SGIP1: variants seen among roughly 807,000 people sequenced by gnomAD.
SGIP1 encodes SH3-containing GRB2-like protein 3-interacting protein 1.
In SGIP1, 38 loss-of-function variants were observed where a neutral mutation model predicts 107.5. The observed-to-expected ratio is 0.35, with a 90% CI of 0.27 to 0.46. The LOEUF (loss-of-function observed/expected upper bound fraction) is 0.46. Ranked by LOEUF, SGIP1 falls within the 20% of genes least tolerant of loss-of-function variation. SGIP1 has a pLI of 1.00. For synonymous variants in SGIP1, 365 were observed against 366.1 expected (o/e 1.00, Z 0.03); for missense variants, 929 against 1,019.5 (o/e 0.91, Z 1.21).
intron 1 of SGIP1, among the ~76,000 whole-genome samples, chr1:66,536,197 T>C (rs1179755327): frequency 6.6e-6 from 1 of 152,224 alleles, no homozygotes; most frequent in East Asian, 1.9e-4. Context: ...TTGCTCTGGG[T>C]TTGCCAAATT....
rs1337017448 is a variant in SGIP1, at chr1:66,729,378, C to A, written c.1857C>A (p.Ser619Arg). 1 of 1,614,086 alleles carries A rather than the reference C, an allele frequency of 6.2e-7. No individual in the cohort carries two copies. The highest frequency in any genetic ancestry group is 1.1e-5 in the South Asian group (1 of 91,076). The stretch of plus-strand genomic sequence containing the variant: ...TGACTTTTCGGGTGATAAATTTCAG[C>A]AGGTTAGAACACGTCCTGCCAAACC... Reference protein sequence around the residue: ...AALTFRVINFSRLEHVLPNPQ... With the variant: ...AALTFRVINFRRLEHVLPNPQ... The change falls in exon 20 of 25, where the codon AGC (serine) becomes AGA (arginine). Residue 619 changes from serine (S) to arginine (R), a missense_variant. Transcript: ENST00000371037.
chr1:66,683,392 A>G (rs2087265261), intron 15 of SGIP1, among the ~76,000 whole-genome samples: 1 of 152,196 alleles, frequency 6.6e-6, no homozygotes, highest in South Asian at 2.1e-4. Context: ...TCTAATATTC[A>G]GTCATCATCA....
rs553065645 is a variant in SGIP1, at chr1:66,747,703, A to G, written c.*4608A>G. The G allele has an allele frequency of 6.6e-6, 1 of 152,106 alleles. No homozygotes were observed. The highest frequency in any genetic ancestry group is 1.9e-4 in the East Asian group (1 of 5,192). 9.4% of individuals were successfully genotyped at this position (152,106 alleles called of 1,614,324 possible). A position where few individuals can be genotyped will look rare whatever the true frequency, so the allele number is the denominator to read the frequency against. ...AGAGTTGCACGAATATTTTTTCTCAAAATAACCACAGGCTGTAAATTAAAT... is the reference window on the plus strand; with the variant it reads ...AGAGTTGCACGAATATTTTTTCTCAGAATAACCACAGGCTGTAAATTAAAT... On this transcript the variant is annotated 3_prime_UTR_variant, in exon 25 of 25. Transcript: ENST00000371037.
At chr1:66,615,773 G>T (rs2069142349) in intron 1 of SGIP1, among the ~76,000 whole-genome samples, 1 of 152,202 alleles carries the variant, frequency 6.6e-6, no homozygotes. Context: ...AGGGACTGGA[G>T]ATGGAAGGAT....
intron 1 of SGIP1, among the ~76,000 whole-genome samples, chr1:66,589,099 A>G (rs2063139148): frequency 7.0e-6 from 1 of 143,876 alleles, no homozygotes. Context: ...TGAATATGTC[A>G]TCATTAATTT....
intron 22 of SGIP1, 139 bp from the exon 23 acceptor site, chr1:66,740,519 G>GAGAC: frequency 1.5e-6 from 1 of 656,256 alleles, no homozygotes; most frequent in Non-Finnish European, 2.7e-6. Context: ...GGGAGAGAGA[G>GAGAC]AGACAGGGAA....
At chr1:66,639,446 T>C (rs2076376523) in intron 4 of SGIP1, among the ~76,000 whole-genome samples, 1 of 152,234 alleles carries the variant, frequency 6.6e-6, no homozygotes, top group Non-Finnish European at 1.5e-5. Flanking sequence ...CTATATCTCC[T>C]GTAGATTTAG....
In SGIP1 at chr1:66,747,601, G is replaced by A. The variant is rs1227752200; in HGVS notation, c.*4506G>A. On this transcript the variant is annotated 3_prime_UTR_variant, in exon 25 of 25. Transcript: ENST00000371037. ...TTTCCTTCTTTGCAAGGGACATTCA[G>A]ATCTCTAACTTGTGAGTTGAACCTA... The A allele has an allele frequency of 6.6e-6, 1 of 151,988 alleles. No individual in the cohort carries two copies. Among genetic ancestry groups the A allele is most frequent in the Admixed American group, 6.6e-5 (1 of 15,248 alleles). The allele number at this position is 151,988 out of a possible 1,614,324, so 9.4% of individuals were successfully genotyped here.
intron 1 of SGIP1, among the ~76,000 whole-genome samples, chr1:66,613,765 G>A (rs111442295): frequency 1.1e-4 from 17 of 152,314 alleles, no homozygotes; most frequent in African/African-American, 3.8e-4. Flanking sequence ...GATGACTAAA[G>A]TGGGTAACAG....
intron 7 of SGIP1, chr1:66,660,215 G>GAGAGAA (rs1557505791): frequency 5.2e-6 from 1 of 190,484 alleles, no homozygotes; most frequent in East Asian, 1.5e-4. Context: ...AAGAAAGAAA[G>GAGAGAA]AGAAAGAAAG....
chr1:66,726,236 G>C (rs554193618), intron 19 of SGIP1, among the ~76,000 whole-genome samples: 1 of 152,284 alleles, frequency 6.6e-6, no homozygotes, highest in East Asian at 1.9e-4. Context: ...TGTCTCTCTA[G>C]CGCCCTCTAC....
At chr1:66,584,588 G>A (rs929255897) in intron 1 of SGIP1, among the ~76,000 whole-genome samples, 1 of 152,044 alleles carries the variant, frequency 6.6e-6, no homozygotes, top group African/African-American at 2.4e-5. Context: ...GAATCACTCA[G>A]GTCAATACTG....
At chr1:66,726,562 G>A (rs184122230) in intron 19 of SGIP1, among the ~76,000 whole-genome samples, 6 of 152,170 alleles carry the variant, frequency 3.9e-5, no homozygotes, top group Non-Finnish European at 7.4e-5. Context: ...AGAATGAATC[G>A]TGAATCCAGA....
chr1:66,599,513 G>A lies in SGIP1; in HGVS notation c.11-26334G>A, dbSNP rs571556141. On this transcript the variant is annotated intron_variant, in intron 1 of 24. Transcript: ENST00000371037. ...TGGTGTCCTGATTCTCCTCCCAGGA[G>A]AATCCCTTTTACAAAGCTGTACTCT... Among the ~76,000 whole-genome samples the A allele has an allele frequency of 1.8e-3, 271 of 152,248 alleles. 3 individuals carry two copies. Among genetic ancestry groups the A allele is most frequent in the African/African-American group, 6.3e-3 (261 of 41,550 alleles).
chr1:66,733,392 AACTG>A (rs2150629939), intron 20 of SGIP1, among the ~76,000 whole-genome samples: 1 of 152,346 alleles, frequency 6.6e-6, no homozygotes, highest in African/African-American at 2.4e-5. Flanking sequence ...TAATTGCCTT[AACTG>A]ACTAATTTAG....
chr1:66,643,831 C>A, intron 7 of SGIP1, 112 bp downstream of exon 7: 1 of 906,968 alleles, frequency 1.1e-6, no homozygotes, highest in Non-Finnish European at 1.6e-6. Context: ...TGCATATGGT[C>A]ACCATATCAT....
At position 66,690,241 on chromosome 1, in the gene SGIP1, C is replaced by A; in HGVS notation, c.1495C>A (p.Pro499Thr). 3 of 1,614,192 alleles carry A rather than the reference C, an allele frequency of 1.9e-6. No homozygotes were observed. Among genetic ancestry groups the A allele is most frequent in the Non-Finnish European group, 1.7e-6 (2 of 1,180,016 alleles). Residue 499 changes from proline (P) to threonine (T), a missense_variant, in exon 17 of 25, where the codon CCC becomes ACC. Around this residue, in one of 2 missense-constraint regions of SGIP1, gnomAD observed 341 missense variants for 430.9 expected, o/e 0.79. Transcript: ENST00000371037. ...IHSSSPPPIAPLARAESTSSI... is the reference protein window; with the variant it reads ...IHSSSPPPIATLARAESTSSI... ...TTCTTCCAGCCCTCCTCCAATAGCA[C>A]CCTTAGCGCGGGCTGAAAGCACTTC... is the stretch of plus-strand genomic sequence containing the variant.
chr1:66,688,147 C>T (rs2088909682), intron 15 of SGIP1, among the ~76,000 whole-genome samples: 1 of 152,032 alleles, frequency 6.6e-6, no homozygotes, highest in Non-Finnish European at 1.5e-5. Context: ...GGATATTTTC[C>T]CAGGGCAGGA....
chr1:66,698,020 A>G (rs112003599), intron 18 of SGIP1, among the ~76,000 whole-genome samples: 36 of 152,292 alleles, frequency 2.4e-4, no homozygotes, highest in Middle Eastern at 3.4e-3. Flanking sequence ...TAGCTTTTCA[A>G]TTTTTATTTA....
Sources: gnomAD v4.1 joint callset for allele counts (sites outside exome capture counted in the v4.1 genomes callset) on GRCh38, gnomAD v4.1.1 for gene constraint, gnomAD v4.1.1 regional missense constraint, MANE v1.5 for transcripts, NCBI Gene and HGNC (gene_info 2026-07-23, HGNC 2026-07-21) for gene names.